Variants in LRRC4C observed in about 807,000 individuals in gnomAD.
LRRC4C encodes leucine rich repeat containing 4C.
A neutral mutation model predicts 33.6 loss-of-function variants in LRRC4C; 5 were observed. The ratio of observed to expected loss-of-function variants is 0.15; its 90% confidence interval spans 0.08 to 0.31. The LOEUF is 0.31. Ranked by LOEUF, LRRC4C falls within the 10% of genes least tolerant of loss-of-function variation. The pLI is 1.00. For missense variants in LRRC4C, 560 were observed against 796.7 expected, an observed-to-expected ratio of 0.70 and a Z score of 3.58; for synonymous variants, 329 against 302.0, an observed-to-expected ratio of 1.09 and a Z score of -0.93.
chr11:40,720,168 C>G (rs1017145105), intron 2 of LRRC4C, among the ~76,000 whole-genome samples: 22 of 152,272 alleles, frequency 1.4e-4, no homozygotes, highest in African/African-American at 5.3e-4. Flanking sequence ...TTAGTTGTAG[C>G]ACTGTCTCAT....
At position 40,378,508 on chromosome 11, in the gene LRRC4C, A is replaced by G. The variant is rs539743224; in HGVS notation, c.-269-58787T>C. ...AGATAGTGTTTGGGGTGTAGATGGT[A>G]AGTGTATTTCTGTGAGAAAGAACTA... On this transcript the variant is annotated intron_variant, in intron 3 of 6. Coordinates refer to ENST00000528697, the MANE Select transcript of LRRC4C (RefSeq NM_001258419.2). Among the ~76,000 whole-genome samples, 4 of 151,920 alleles carry G rather than the reference A, an allele frequency of 2.6e-5. No individual in the cohort carries two copies. The South Asian group carries it at 6.2e-4, about 24-fold the overall frequency.
intron 3 of LRRC4C, among the ~76,000 whole-genome samples, chr11:40,476,768 G>A (rs980006165): frequency 1.3e-4 from 20 of 152,006 alleles, no homozygotes; most frequent in African/African-American, 4.1e-4. Flanking sequence ...TTTCTATTTG[G>A]TATATTTTAA....
At chr11:40,844,024 G>A (rs1320744960) in intron 2 of LRRC4C, among the ~76,000 whole-genome samples, 1 of 151,986 alleles carries the variant, frequency 6.6e-6, no homozygotes, top group African/African-American at 2.4e-5. Flanking sequence ...AGACATTATT[G>A]GTGCTCTAGT....
At chr11:40,869,047 C>T (rs532289427) in intron 2 of LRRC4C, among the ~76,000 whole-genome samples, 38 of 149,254 alleles carry the variant, frequency 2.5e-4, no homozygotes, top group Admixed American at 4.8e-4. Flanking sequence ...CTCATTCAGC[C>T]TTGAAGACAA....
chr11:40,663,267 G>C (rs1339098695), intron 2 of LRRC4C, among the ~76,000 whole-genome samples: 1 of 152,030 alleles, frequency 6.6e-6, no homozygotes. Flanking sequence ...TTTTTTAGTA[G>C]AGATGGGGTT....
intron 4 of LRRC4C, among the ~76,000 whole-genome samples, chr11:40,287,935 C>T (rs932306670): frequency 6.6e-6 from 1 of 152,102 alleles, no homozygotes; most frequent in African/African-American, 2.4e-5. Flanking sequence ...TAGTCTATGC[C>T]AATGTGAACT....
chr11:40,830,423 C>G (rs1424392555), intron 2 of LRRC4C, among the ~76,000 whole-genome samples: 1 of 152,068 alleles, frequency 6.6e-6, no homozygotes, highest in Admixed American at 6.6e-5. Flanking sequence ...CTCTACGCTC[C>G]TTTGTGTCAG....
At chr11:41,081,996 T>A (rs1422293270) in intron 1 of LRRC4C, among the ~76,000 whole-genome samples, 2 of 152,090 alleles carry the variant, frequency 1.3e-5, no homozygotes, top group Non-Finnish European at 2.9e-5. Flanking sequence ...AAAGGCACTT[T>A]CCAGATTTAT....
chr11:40,254,606 G>C (rs1867053662), intron 4 of LRRC4C, among the ~76,000 whole-genome samples: 1 of 152,162 alleles, frequency 6.6e-6, no homozygotes, highest in Non-Finnish European at 1.5e-5. Flanking sequence ...GAATTGTATA[G>C]CATATGTGTA....
At chr11:41,059,209 A>AGTTTTTTTTT (rs1858869237) in intron 1 of LRRC4C, among the ~76,000 whole-genome samples, 2 of 7,266 alleles carry the variant, frequency 2.8e-4, no homozygotes, top group Admixed American at 2.5e-3. Context: ...CTAAAATAAA[A>AGTTTTTTTTT]GTTTTTTTTT....
intron 1 of LRRC4C, among the ~76,000 whole-genome samples, chr11:41,083,509 C>T (rs1241025877): frequency 6.6e-6 from 1 of 152,140 alleles, no homozygotes; most frequent in Non-Finnish European, 1.5e-5. Flanking sequence ...TGCTTTATCA[C>T]AGAGACATCT....
chr11:40,863,940 T>G (rs1396649128), intron 2 of LRRC4C, among the ~76,000 whole-genome samples: 2 of 140,262 alleles, frequency 1.4e-5, no homozygotes, highest in Non-Finnish European at 3.0e-5. Flanking sequence ...CATGTTCTCC[T>G]TTTTTCATCA....
intron 2 of LRRC4C, among the ~76,000 whole-genome samples, chr11:40,918,571 A>G (rs1486623288): frequency 1.3e-5 from 2 of 152,042 alleles, no homozygotes; most frequent in African/African-American, 4.8e-5. Context: ...CATCCTTAAA[A>G]ATCTATTTCA....
intron 1 of LRRC4C, among the ~76,000 whole-genome samples, chr11:41,355,388 G>T (rs527354447): frequency 6.6e-6 from 1 of 152,034 alleles, no homozygotes; most frequent in Non-Finnish European, 1.5e-5. Flanking sequence ...AAAATGTGAG[G>T]ACATGGATAA....
chr11:41,428,778 C>T (rs1030571810), intron 1 of LRRC4C, among the ~76,000 whole-genome samples: 1 of 152,034 alleles, frequency 6.6e-6, no homozygotes, highest in Non-Finnish European at 1.5e-5. Context: ...CTATTTTAAC[C>T]AGATATTGAT....
chr11:41,178,365 G>A (rs1945294915), intron 1 of LRRC4C, among the ~76,000 whole-genome samples: 1 of 152,030 alleles, frequency 6.6e-6, no homozygotes, highest in Non-Finnish European at 1.5e-5. Context: ...TGTTGTTGTT[G>A]TTTTTTATTT....
At chr11:40,486,280 A>G (rs553516420) in intron 3 of LRRC4C, among the ~76,000 whole-genome samples, 2 of 152,184 alleles carry the variant, frequency 1.3e-5, no homozygotes, top group East Asian at 3.9e-4. Flanking sequence ...CTTTTTGCCA[A>G]AAGACAAAAA....
intron 3 of LRRC4C, among the ~76,000 whole-genome samples, chr11:40,641,313 C>A (rs961724233): frequency 3.9e-5 from 6 of 152,042 alleles, no homozygotes; most frequent in Non-Finnish European, 8.8e-5. Context: ...ATATATTTGA[C>A]CTATTTTAAT....
chr11:40,354,035 C>G (rs1041334203), intron 3 of LRRC4C, among the ~76,000 whole-genome samples: 1 of 152,134 alleles, frequency 6.6e-6, no homozygotes, highest in Admixed American at 6.6e-5. Context: ...GTGTTGTGAT[C>G]TAACTCTTTG....
Sources: allele counts gnomAD v4.1 joint callset (sites outside exome capture counted in the v4.1 genomes callset), GRCh38; gene constraint gnomAD v4.1.1; transcripts MANE v1.5; gene names NCBI Gene and HGNC (gene_info 2026-07-23, HGNC 2026-07-21).